ZC3H6: variants seen among roughly 807,000 people sequenced by gnomAD.
The protein encoded by ZC3H6 is zinc finger CCCH domain-containing protein 6.
Under a neutral mutation model 107.7 loss-of-function variants are expected in ZC3H6, and 40 were observed. That is an observed-to-expected ratio of 0.37 (90% CI 0.29 to 0.48). The LOEUF (loss-of-function observed/expected upper bound fraction) is 0.48, where lower values mean the gene tolerates loss of function less well. Among genes scored for constraint, ZC3H6 ranks in the 20% least tolerant of loss-of-function variants. The probability of loss-of-function intolerance (pLI) is 0.98; values close to 1 mark genes in which losing one functional copy is unlikely to be tolerated. For synonymous variants in ZC3H6, 493 were observed against 487.9 expected, an observed-to-expected ratio of 1.01 and a Z score of -0.14; for missense variants, 1,267 against 1,410.4, an observed-to-expected ratio of 0.90 and a Z score of 1.63.
At chr2:112,279,751 C>A (rs544924971) in intron 1 of ZC3H6, among the ~76,000 whole-genome samples, 1 of 152,266 alleles carries the variant, frequency 6.6e-6, no homozygotes, top group African/African-American at 2.4e-5. Context: ...TTGATTCTCA[C>A]ATTAATCCCA....
At chr2:112,281,130 A>G (rs1686518034) in intron 1 of ZC3H6, among the ~76,000 whole-genome samples, 1 of 152,188 alleles carries the variant, frequency 6.6e-6, no homozygotes, top group Admixed American at 6.5e-5. Context: ...GATGTGTTCA[A>G]TGGTGATAAA....
chr2:112,276,019 C>T lies in ZC3H6; in HGVS notation c.25C>T (p.His9Tyr). The T allele has an allele frequency of 6.5e-7, 1 of 1,542,200 alleles. No individual in the cohort carries two copies. The highest frequency in any genetic ancestry group is 8.7e-7 in the Non-Finnish European group (1 of 1,143,454). MTDSEHAG[H>Y]DREDGELEDG... ...CATGACAGACTCTGAACATGCAGGGCACGACAGGTCGGGAACCCTTCTTGT... is the reference window on the plus strand; with the variant it reads ...CATGACAGACTCTGAACATGCAGGGTACGACAGGTCGGGAACCCTTCTTGT... The change falls in exon 1 of 12, where the codon CAC becomes TAC. Residue 9 changes from histidine to tyrosine, a missense_variant. This residue lies in a region of ZC3H6 where 337 missense variants were observed against 361.2 expected (regional missense o/e 0.93). Transcript: ENST00000409871.
chr2:112,331,573 T>A lies in ZC3H6; in HGVS notation c.2655T>A (p.Leu885=), dbSNP rs1433018989. 2 of 1,613,846 alleles carry A rather than the reference T, an allele frequency of 1.2e-6. No individual in the cohort carries two copies. Among genetic ancestry groups the A allele is most frequent in the East Asian group, 2.2e-5 (1 of 44,894 alleles). The part of the protein sequence containing the change: ...KHIVWAPEDL[L]PVPLPKPDPV... ...TCGTGTGGGCTCCCGAAGACTTACT[T>A]CCAGTACCTTTACCTAAACCTGATC... The change falls in exon 12 of 12, where the codon CTT becomes CTA. Residue 885 remains leucine (L), a synonymous_variant. Transcript: ENST00000409871.
chr2:112,284,874 A>C (rs1200896499), intron 1 of ZC3H6, among the ~76,000 whole-genome samples: 1 of 152,168 alleles, frequency 6.6e-6, no homozygotes, highest in African/African-American at 2.4e-5. Context: ...TTCCCAAATA[A>C]GATTTTCTCA....
At chr2:112,326,486 C>G (rs753719723) in intron 11 of ZC3H6, among the ~76,000 whole-genome samples, 1 of 152,176 alleles carries the variant, frequency 6.6e-6, no homozygotes, top group Non-Finnish European at 1.5e-5. Flanking sequence ...CTGTGCCTGG[C>G]TTATTTCACT....
intron 1 of ZC3H6, among the ~76,000 whole-genome samples, chr2:112,283,161 G>T (rs1490238461): frequency 6.6e-6 from 1 of 151,916 alleles, no homozygotes; most frequent in African/African-American, 2.4e-5. Flanking sequence ...TCTTTTTTTG[G>T]GTGGTTGGGT....
At chr2:112,282,774 A>G (rs1254979761) in intron 1 of ZC3H6, among the ~76,000 whole-genome samples, 1 of 152,234 alleles carries the variant, frequency 6.6e-6, no homozygotes, top group Non-Finnish European at 1.5e-5. Context: ...GAACAAGATC[A>G]TGAGATAACA....
Position 112,331,701 on chromosome 2 carries a change from T to C in ZC3H6, c.2783T>C (p.Ile928Thr), listed in dbSNP as rs1165039736. ...GATCTTCATCAAAATACAGTGTCCA[T>C]TGATCCAAAATTAGCAGCCAAAGCC... ...KSDLHQNTVS[I>T]DPKLAAKAKI... Residue 928 changes from isoleucine (I) to threonine (T), a missense_variant, in exon 12 of 12, where the codon ATT becomes ACT. Ile to Thr is a moderately conservative substitution (Grantham distance 89). This residue lies in a region of ZC3H6 where 925 missense variants were observed against 1,025.7 expected (regional missense o/e 0.90). Transcript: ENST00000409871. 6 of 1,613,928 alleles carry C rather than the reference T, an allele frequency of 3.7e-6. No homozygotes were observed. Among genetic ancestry groups the C allele is most frequent in the East Asian group, 2.2e-5 (1 of 44,868 alleles).
intron 7 of ZC3H6, 70 bp from the exon 8 acceptor site, chr2:112,321,686 T>C: frequency 2.7e-6 from 2 of 745,286 alleles, no homozygotes; most frequent in Non-Finnish European, 4.3e-6. Flanking sequence ...GTCTAACAGT[T>C]GTAGGTTTTG....
At chr2:112,289,734 T>TTTG (rs1676064352) in intron 1 of ZC3H6, among the ~76,000 whole-genome samples, 1 of 136,774 alleles carries the variant, frequency 7.3e-6, no homozygotes, top group African/African-American at 3.1e-5. Context: ...TTTTACCGTT[T>TTTG]TTTGTTTGTT....
At chr2:112,300,096 A>G (rs1178799885) in intron 2 of ZC3H6, 67 bp downstream of exon 2, 2 of 1,048,804 alleles carry the variant, frequency 1.9e-6, no homozygotes, top group Non-Finnish European at 2.5e-6. Context: ...TGAAAATTAG[A>G]AAGTAGAAGT....
chr2:112,308,088 T>G (rs1466190161), intron 3 of ZC3H6, among the ~76,000 whole-genome samples: 1 of 152,218 alleles, frequency 6.6e-6, no homozygotes, highest in African/African-American at 2.4e-5. Context: ...AAGCAATTAT[T>G]TTTTGTTTTG....
chr2:112,295,817 C>A (rs1676221083), intron 1 of ZC3H6, among the ~76,000 whole-genome samples: 1 of 152,112 alleles, frequency 6.6e-6, no homozygotes, highest in Non-Finnish European at 1.5e-5. Context: ...AAATGACCCA[C>A]ATTTCACACT....
intron 3 of ZC3H6, among the ~76,000 whole-genome samples, chr2:112,303,866 G>A (rs1371783683): frequency 6.6e-6 from 1 of 152,098 alleles, no homozygotes; most frequent in Non-Finnish European, 1.5e-5. Flanking sequence ...ATGAACATGG[G>A]TATTCAAAAA....
At position 112,325,190 on chromosome 2, in the gene ZC3H6, G is replaced by A; in HGVS notation, c.2079G>A (p.Lys693=). The stretch of plus-strand genomic sequence containing the variant: ...CCCAACCTCATAGGGCACCAAGCAA[G>A]GAAGAAGGTGTGTCAGAAGTTATTA... ...TSTQPHRAPS[K]EEDDTVNWYS... The change falls in exon 11 of 12, where the codon AAG becomes AAA. Residue 693 remains lysine, a synonymous_variant. Transcript: ENST00000409871. 2 of 1,613,930 alleles carry A rather than the reference G, an allele frequency of 1.2e-6. No individual in the cohort carries two copies. The highest frequency in any genetic ancestry group is 2.2e-5 in the East Asian group (1 of 44,880).
intron 5 of ZC3H6, among the ~76,000 whole-genome samples, chr2:112,315,269 A>G (rs1225337458): frequency 2.0e-5 from 3 of 152,150 alleles, no homozygotes; most frequent in Non-Finnish European, 2.9e-5. Context: ...TTAAAGCAGA[A>G]GTTGAATAGG....
chr2:112,319,641 G>A (rs1676764900), intron 7 of ZC3H6, among the ~76,000 whole-genome samples: 1 of 150,708 alleles, frequency 6.6e-6, no homozygotes, highest in African/African-American at 2.4e-5. Context: ...GCAAGACTCT[G>A]TCTCAAAAAA....
chr2:112,276,835 A>C (rs1369268656), intron 1 of ZC3H6, among the ~76,000 whole-genome samples: 3 of 152,234 alleles, frequency 2.0e-5, no homozygotes, highest in Admixed American at 2.0e-4. Context: ...ATATATCTTT[A>C]ATAATGCGAA....
intron 3 of ZC3H6, 52 bp downstream of exon 3, chr2:112,303,403 C>T: frequency 1.4e-6 from 2 of 1,395,034 alleles, no homozygotes; most frequent in African/African-American, 1.4e-5. Flanking sequence ...TAAAATGTAC[C>T]ATTTTAACCC....
Sources: gnomAD v4.1 joint callset for allele counts (sites outside exome capture counted in the v4.1 genomes callset) on GRCh38, gnomAD v4.1.1 for gene constraint, gnomAD v4.1.1 regional missense constraint, MANE v1.5 for transcripts, NCBI Gene and HGNC (gene_info 2026-07-23, HGNC 2026-07-21) for gene names.